The following ESRP1 variants were observed in gnomAD, a reference collection of about 807,000 sequenced individuals.
ESRP1 encodes epithelial splicing regulatory protein 1.
A neutral mutation model predicts 81.7 loss-of-function variants in ESRP1; 33 were observed. That is an observed-to-expected ratio of 0.40 (90% CI 0.31 to 0.54). ESRP1 has a LOEUF of 0.54. Ranked by LOEUF, ESRP1 falls within the 20% of genes least tolerant of loss-of-function variation. ESRP1 has a pLI of 0.41. For missense variants in ESRP1, 672 were observed against 833.1 expected, an observed-to-expected ratio of 0.81 and a Z score of 2.38; for synonymous variants, 320 against 303.3, an observed-to-expected ratio of 1.06 and a Z score of -0.57.
chr8:94,672,297 T>G (rs1161216209), intron 11 of ESRP1, among the ~76,000 whole-genome samples: 2 of 152,118 alleles, frequency 1.3e-5, no homozygotes, highest in African/African-American at 4.8e-5. Context: ...AAGAACAGTA[T>G]GTGTGGATCA....
intron 14 of ESRP1, among the ~76,000 whole-genome samples, chr8:94,694,116 A>G (rs778397029): frequency 3.7e-4 from 57 of 152,344 alleles, no homozygotes; most frequent in South Asian, 4.1e-4. Context: ...TGGAGAAAAC[A>G]TTTTGACTTG....
In ESRP1 at chr8:94,671,441, C is replaced by T. The variant is rs1285266361; in HGVS notation, c.1234-12C>T. On this transcript the variant is annotated splice_polypyrimidine_tract_variant and intron_variant, in intron 10 of 15. Transcript: ENST00000433389. ...ACAGCTCTAAATTACTTCTGTTTTG[C>T]TTTGAGTACAGGTGCTGAATCGATT... The T allele has an allele frequency of 1.9e-6, 3 of 1,606,362 alleles. No homozygotes were observed. Among genetic ancestry groups the T allele is most frequent in the African/African-American group, 2.7e-5 (2 of 74,750 alleles).
chr8:94,688,448 C>A, intron 13 of ESRP1: 1 of 267,936 alleles, frequency 3.7e-6, no homozygotes, highest in Non-Finnish European at 7.3e-6. Flanking sequence ...GTGTGATCAT[C>A]CTCAGATTTC....
At chr8:94,672,307 A>G (rs1819368235) in intron 11 of ESRP1, among the ~76,000 whole-genome samples, 2 of 152,116 alleles carry the variant, frequency 1.3e-5, no homozygotes, top group African/African-American at 4.8e-5. Context: ...TGTGTGGATC[A>G]TAACAGGCTC....
At position 94,671,490 on chromosome 8, in the gene ESRP1, T is replaced by G; in HGVS notation, c.1271T>G (p.Leu424Arg). ...TTCTCCTCGGCCCCTCTCATTCCAC[T>G]TCCAACCCCTCCCATTATTCCAGTA... Reference protein sequence around the residue: ...NRFSSAPLIPLPTPPIIPVLP... With the variant: ...NRFSSAPLIPRPTPPIIPVLP... The change falls in exon 11 of 16, where the codon CTT becomes CGT. Residue 424 changes from leucine to arginine, a missense_variant. Physicochemically the swap from Leu to Arg is moderately radical, Grantham distance 102. Transcript: ENST00000433389. 1.2e-6 allele frequency: 2 copies of G among 1,613,834 alleles called. No homozygotes were observed. The highest frequency in any genetic ancestry group is 1.7e-6 in the Non-Finnish European group (2 of 1,179,802).
At chr8:94,657,486 T>TGTGTGTGC (rs1818492924) in intron 4 of ESRP1, among the ~76,000 whole-genome samples, 2 of 151,304 alleles carry the variant, frequency 1.3e-5, no homozygotes, top group Non-Finnish European at 3.0e-5. Flanking sequence ...TGTGTGTGTG[T>TGTGTGTGC]GTGTGTGTGT....
intron 11 of ESRP1, 131 bp from the exon 12 acceptor site, chr8:94,674,177 C>A: frequency 1.0e-6 from 1 of 967,064 alleles, no homozygotes; most frequent in Non-Finnish European, 1.5e-6. Flanking sequence ...GCAGATCACA[C>A]CATCACCCGG....
intron 9 of ESRP1, among the ~76,000 whole-genome samples, chr8:94,666,085 A>G (rs767343277): frequency 1.3e-5 from 2 of 152,204 alleles, no homozygotes; most frequent in Non-Finnish European, 2.9e-5. Context: ...TTTTCTATAT[A>G]TATATCTACT....
intron 10 of ESRP1, 94 bp downstream of exon 10, chr8:94,668,344 A>C (rs1819127108): frequency 8.1e-7 from 1 of 1,228,160 alleles, no homozygotes; most frequent in Admixed American, 3.0e-5. Context: ...GTTAAAATAA[A>C]ACTGGCAAAA....
intron 13 of ESRP1, among the ~76,000 whole-genome samples, chr8:94,687,171 C>G (rs1487803638): frequency 6.6e-6 from 1 of 152,154 alleles, no homozygotes; most frequent in Non-Finnish European, 1.5e-5. Context: ...TCACTGACCC[C>G]TCTCCCCACC....
chr8:94,685,888 C>G (rs1809119678), intron 13 of ESRP1, among the ~76,000 whole-genome samples: 1 of 152,052 alleles, frequency 6.6e-6, no homozygotes, highest in African/African-American at 2.4e-5. Flanking sequence ...GAAAGGATAT[C>G]ATAACTTATC....
intron 4 of ESRP1, chr8:94,655,790 T>A (rs1818379473): frequency 6.6e-6 from 1 of 151,498 alleles, no homozygotes. Flanking sequence ...ACTTGGGAGG[T>A]CGAGGTTGGA....
intron 13 of ESRP1, among the ~76,000 whole-genome samples, chr8:94,690,851 C>T (rs957745778): frequency 1.5e-4 from 23 of 152,054 alleles, no homozygotes; most frequent in African/African-American, 5.1e-4. Flanking sequence ...GCAGAAGTCC[C>T]GATGGTCTTT....
At position 94,701,014 on chromosome 8, in the gene ESRP1, G is replaced by A. The variant is rs538886315; in HGVS notation, c.*35+4053G>A. ...AGGGCCGGGTGCGGTTGCTCATGCC[G>A]GTAATCCCAGCATTTTGGTAGGCTG... is the stretch of plus-strand genomic sequence containing the variant. On this transcript the variant is annotated intron_variant, in intron 15 of 15. Coordinates refer to ENST00000433389, the MANE Select transcript of ESRP1 (RefSeq NM_017697.4). Among the ~76,000 whole-genome samples, 9 of 150,854 alleles carry A rather than the reference G, an allele frequency of 6.0e-5. No individual in the cohort carries two copies. The South Asian group carries it at 1.9e-3, about 32-fold the overall frequency.
At position 94,663,854 on chromosome 8, in the gene ESRP1, T is replaced by C. The variant is rs11985785; in HGVS notation, c.645-843T>C. 6.0e-3 allele frequency among the ~76,000 whole-genome samples: 915 copies of C among 152,308 alleles called. 9 individuals are homozygous for C. Among genetic ancestry groups the C allele is most frequent in the African/African-American group, 0.021 (879 of 41,574 alleles). On this transcript the variant is annotated intron_variant, in intron 6 of 15. Transcript: ENST00000433389. ...GATTTGCAAATGAGTCATTAAGGTG[T>C]AGGGACTCACAGGCATTTCTATGGA... is the stretch of plus-strand genomic sequence containing the variant.
chr8:94,658,812 A>G (rs1364507651), intron 4 of ESRP1, among the ~76,000 whole-genome samples: 1 of 152,102 alleles, frequency 6.6e-6, no homozygotes, highest in Admixed American at 6.5e-5. Context: ...CTAGAAAGTC[A>G]ATGTTAGGTT....
Position 94,645,811 on chromosome 8 carries a change from A to G in ESRP1, c.376-357A>G, listed in dbSNP as rs114257439. 7.1e-3 allele frequency among the ~76,000 whole-genome samples: 1,080 copies of G among 152,328 alleles called. 17 individuals are homozygous for G. The highest frequency in any genetic ancestry group is 0.025 in the African/African-American group (1,041 of 41,590). ...GAAAGGGCTGCTAGTGCTGCCTGAA[A>G]ATACAGATGTTCTAAAATGGTTATG... On this transcript the variant is annotated intron_variant, in intron 3 of 15. Coordinates refer to ENST00000433389, the MANE Select transcript of ESRP1 (RefSeq NM_017697.4).
chr8:94,706,058 T>C lies in ESRP1; in HGVS notation c.*169T>C, dbSNP rs1010550201. 5.3e-6 allele frequency: 6 copies of C among 1,131,228 alleles called. No homozygotes were observed. Among genetic ancestry groups the C allele is most frequent in the Admixed American group, 6.0e-5 (2 of 33,448 alleles). 70.1% of individuals were successfully genotyped at this position (1,131,228 alleles called of 1,614,324 possible). Reference sequence around the variant, plus strand: ...ATTGGACAAACGGGCCTGTGCCTTATCTTTTGGTGGAGTGAAAAAATTTGA... The same window carrying C: ...ATTGGACAAACGGGCCTGTGCCTTACCTTTTGGTGGAGTGAAAAAATTTGA... On this transcript the variant is annotated 3_prime_UTR_variant, in exon 16 of 16. Coordinates refer to ENST00000433389, the MANE Select transcript of ESRP1 (RefSeq NM_017697.4).
chr8:94,653,219 G>A (rs912802644), intron 4 of ESRP1, among the ~76,000 whole-genome samples: 1 of 152,088 alleles, frequency 6.6e-6, no homozygotes, highest in Non-Finnish European at 1.5e-5. Flanking sequence ...ACTTCTTGGG[G>A]GGTGTAAAGG....
Sources: allele counts gnomAD v4.1 joint callset (sites outside exome capture counted in the v4.1 genomes callset), GRCh38; gene constraint gnomAD v4.1.1; transcripts MANE v1.5; gene names NCBI Gene and HGNC (gene_info 2026-07-23, HGNC 2026-07-21).